HTR2C: variants seen among roughly 807,000 people sequenced by gnomAD.
The protein encoded by HTR2C is 5-hydroxytryptamine (serotonin) receptor 2C, G protein-coupled.
In HTR2C, 5 loss-of-function variants were observed where a neutral mutation model predicts 21.0. That is an observed-to-expected ratio of 0.24 (90% CI 0.12 to 0.50). HTR2C has a LOEUF of 0.50. HTR2C is among the 20% of genes least tolerant of loss of function. The probability of loss-of-function intolerance (pLI) is 0.98; values close to 1 mark genes in which losing one functional copy is unlikely to be tolerated. For missense variants in HTR2C, 271 were observed against 371.2 expected, an observed-to-expected ratio of 0.73 and a Z score of 2.22; for synonymous variants, 150 against 145.3, an observed-to-expected ratio of 1.03 and a Z score of -0.23.
At chrX:114,657,693 A>AT (rs1488503015) in intron 2 of HTR2C, among the ~76,000 whole-genome samples, 1 of 110,665 alleles carries the variant, frequency 9.0e-6, no homozygotes, top group Admixed American at 9.6e-5. Flanking sequence ...TTTTATTCTC[A>AT]TTTTTTTATA....
chrX:114,688,836 T>G (rs188494619), intron 2 of HTR2C, among the ~76,000 whole-genome samples: 141 of 110,637 alleles, frequency 1.3e-3, no homozygotes, highest in African/African-American at 4.5e-3. Flanking sequence ...ACCATTTCTT[T>G]TATTATTATT....
At chrX:114,737,111 GA>G (rs1162453922) in intron 4 of HTR2C, among the ~76,000 whole-genome samples, 26 of 101,347 alleles carry the variant, frequency 2.6e-4, no homozygotes, top group Admixed American at 1.2e-3. Flanking sequence ...GCACAAAGCA[GA>G]AAAAAAAAAT....
Position 114,743,600 on chromosome X carries a change from A to G in HTR2C, c.349+11993A>G, listed in dbSNP as rs139350592. ...TAGAAACACTGAGGAAAAATGAACA[A>G]TGCCTCAAGAACCTGTGGGATTCAG... On this transcript the variant is annotated intron_variant, in intron 4 of 5. Transcript: ENST00000276198. 5.4e-5 allele frequency among the ~76,000 whole-genome samples: 6 copies of G among 111,756 alleles called. No homozygotes were observed. In the East Asian group the frequency reaches 1.7e-3, roughly 32 times the overall value.
chrX:114,630,304 C>T (rs12689358), intron 2 of HTR2C, among the ~76,000 whole-genome samples: 14,065 of 111,084 alleles, frequency 0.13, 763 homozygotes, highest in South Asian at 0.31. Context: ...GAATTATTAA[C>T]TAAAAAAAAT....
chrX:114,759,094 CATGACTAA>C (rs1223628913), intron 4 of HTR2C, among the ~76,000 whole-genome samples: 2 of 111,699 alleles, frequency 1.8e-5, no homozygotes, highest in Admixed American at 9.6e-5. Context: ...ATATATTTAC[CATGACTAA>C]ATTGGAACAA....
At chrX:114,705,244 T>C (rs1227921430) in intron 2 of HTR2C, among the ~76,000 whole-genome samples, 2 of 111,101 alleles carry the variant, frequency 1.8e-5, no homozygotes, top group Admixed American at 9.6e-5. Flanking sequence ...GAGCCCGCAT[T>C]GCCAAGTCAA....
intron 1 of HTR2C, among the ~76,000 whole-genome samples, chrX:114,599,829 G>C (rs1281088711): frequency 8.9e-6 from 1 of 112,179 alleles, no homozygotes; most frequent in Non-Finnish European, 1.9e-5. Flanking sequence ...GAGAAGGAAA[G>C]TACATAGCCC....
chrX:114,893,944 G>T (rs2071276992), intron 5 of HTR2C, among the ~76,000 whole-genome samples: 1 of 111,890 alleles, frequency 8.9e-6, no homozygotes, highest in Admixed American at 9.6e-5. Context: ...CAGTGTCATA[G>T]ACTGTGATGA....
chrX:114,604,801 G>A (rs1261368343), intron 1 of HTR2C, among the ~76,000 whole-genome samples: 1 of 111,356 alleles, frequency 9.0e-6, no homozygotes, highest in Non-Finnish European at 1.9e-5. Context: ...AGGAATGCCT[G>A]GCCGCTGCGG....
At position 114,639,202 on chromosome X, in the gene HTR2C, CTA is replaced by C. The variant is rs1267306943; in HGVS notation, c.-80+25323_-80+25324del. On this transcript the variant is annotated intron_variant, in intron 2 of 5. Coordinates refer to ENST00000276198, the MANE Select transcript of HTR2C (RefSeq NM_000868.4). ...TAAATATTTTGATCAAATTTTTAAA[CTA>C]TGTGACAAAACAATGTGAAATAAAT... Among the ~76,000 whole-genome samples the C allele has an allele frequency of 2.7e-5, 3 of 111,884 alleles. No homozygotes were observed. In the Admixed American group the frequency reaches 2.9e-4, roughly 11 times the overall value.
chrX:114,692,107 A>G (rs895795059), intron 2 of HTR2C, among the ~76,000 whole-genome samples: 4 of 111,975 alleles, frequency 3.6e-5, no homozygotes, highest in Non-Finnish European at 7.5e-5. Flanking sequence ...CTATTAGACA[A>G]TCCCAGAAAA....
intron 4 of HTR2C, chrX:114,823,359 T>C (rs1226351446): frequency 9.1e-6 from 3 of 331,057 alleles, no homozygotes; most frequent in Admixed American, 6.3e-5. Flanking sequence ...CAGAAGAGGC[T>C]TTCATGACAG....
At chrX:114,623,321 A>C (rs1929238095) in intron 2 of HTR2C, among the ~76,000 whole-genome samples, 1 of 112,170 alleles carries the variant, frequency 8.9e-6, no homozygotes, top group Admixed American at 9.5e-5. Flanking sequence ...AATGTTAACT[A>C]TTGTTTTCTT....
chrX:114,796,057 G>A (rs1368855224), intron 4 of HTR2C, among the ~76,000 whole-genome samples: 1 of 111,391 alleles, frequency 9.0e-6, no homozygotes, highest in Non-Finnish European at 1.9e-5. Context: ...TATAGATATA[G>A]AGATAAACTT....
intron 1 of HTR2C, among the ~76,000 whole-genome samples, chrX:114,593,695 G>T (rs202217394): frequency 9.1e-6 from 1 of 110,217 alleles, no homozygotes; most frequent in African/African-American, 3.3e-5. Flanking sequence ...GAGTTAACTA[G>T]AACCTAAGTT....
chrX:114,705,113 G>A (rs1204366400), intron 2 of HTR2C, among the ~76,000 whole-genome samples: 3 of 104,555 alleles, frequency 2.9e-5, no homozygotes, highest in Non-Finnish European at 3.9e-5. Flanking sequence ...AATCAATATC[G>A]TGAAAATGGC....
chrX:114,788,266 T>A (rs1297087725), intron 4 of HTR2C, among the ~76,000 whole-genome samples: 1 of 110,783 alleles, frequency 9.0e-6, no homozygotes, highest in Non-Finnish European at 1.9e-5. Flanking sequence ...TTCTTTTTTA[T>A]TTTTATTTTT....
At chrX:114,766,886 T>G (rs1468486363) in intron 4 of HTR2C, among the ~76,000 whole-genome samples, 7 of 110,747 alleles carry the variant, frequency 6.3e-5, no homozygotes, top group African/African-American at 2.3e-4. Context: ...CATATAACAT[T>G]AAGTCCCCAA....
intron 4 of HTR2C, among the ~76,000 whole-genome samples, chrX:114,788,717 G>A (rs1418417879): frequency 9.0e-6 from 1 of 111,259 alleles, no homozygotes; most frequent in African/African-American, 3.3e-5. Context: ...GCATAATCAC[G>A]GCTCACTGCA....
Sources: gnomAD v4.1 joint callset for allele counts (sites outside exome capture counted in the v4.1 genomes callset) on GRCh38, gnomAD v4.1.1 for gene constraint, MANE v1.5 for transcripts, NCBI Gene and HGNC (gene_info 2026-07-23, HGNC 2026-07-21) for gene names.